FBXO17: variants seen among roughly 807,000 people sequenced by gnomAD.
FBXO17 encodes the protein F-box only protein 17.
Under a neutral mutation model 34.1 loss-of-function variants are expected in FBXO17, and 43 were observed. The ratio of observed to expected loss-of-function variants is 1.26; its 90% CI spans 0.99 to 1.62. FBXO17 has a LOEUF of 1.62. Ranked by LOEUF, FBXO17 falls within the 40% of genes most tolerant of loss-of-function variation. The pLI is 0.00. For missense variants in FBXO17, 424 were observed against 386.7 expected, an observed-to-expected ratio of 1.10 and a Z score of -0.81; for synonymous variants, 169 against 166.0, an observed-to-expected ratio of 1.02 and a Z score of -0.14.
At chr19:38,953,807 G>A (rs1366304668) in intron 1 of FBXO17, among the ~76,000 whole-genome samples, 1 of 152,150 alleles carries the variant, frequency 6.6e-6, no homozygotes, top group Non-Finnish European at 1.5e-5. Context: ...ACGGTGGCTG[G>A]AAGTGGGCGG....
intron 1 of FBXO17, among the ~76,000 whole-genome samples, chr19:38,973,499 C>G (rs953326012): frequency 2.0e-5 from 3 of 152,190 alleles, no homozygotes; most frequent in Admixed American, 1.3e-4. Flanking sequence ...GTGGGGGTGG[C>G]AGGTCTCACT....
intron 1 of FBXO17, among the ~76,000 whole-genome samples, chr19:38,962,785 C>T (rs1193838919): frequency 2.0e-5 from 3 of 151,308 alleles, no homozygotes; most frequent in Admixed American, 1.3e-4. Flanking sequence ...GGCAAGATCT[C>T]GGCTCACCGC....
At chr19:38,957,958 TAGTC>T (rs1265230373) in intron 1 of FBXO17, among the ~76,000 whole-genome samples, 1 of 151,726 alleles carries the variant, frequency 6.6e-6, no homozygotes, top group African/African-American at 2.4e-5. Context: ...ACAAAAAAAT[TAGTC>T]AGGCATAGTG....
chr19:38,949,728 T>TC, intron 2 of FBXO17: 1 of 581,320 alleles, frequency 1.7e-6, no homozygotes, highest in Non-Finnish European at 3.0e-6. Context: ...CTACTTGCTT[T>TC]CTCCCCCGGC....
At chr19:38,969,415 C>A (rs1469431486) in intron 1 of FBXO17, among the ~76,000 whole-genome samples, 2 of 147,086 alleles carry the variant, frequency 1.4e-5, no homozygotes, top group Non-Finnish European at 3.0e-5. Flanking sequence ...GCACTCCAGC[C>A]TGGGTGACAG....
intron 1 of FBXO17, among the ~76,000 whole-genome samples, chr19:38,959,261 GTCTTTCTT>G (rs944748441): frequency 1.6e-5 from 2 of 128,602 alleles, no homozygotes; most frequent in Non-Finnish European, 3.2e-5. Flanking sequence ...GCCTCTGCCT[GTCTTTCTT>G]TCTTTCTTTC....
At chr19:38,961,282 C>T (rs866148255) in intron 1 of FBXO17, among the ~76,000 whole-genome samples, 8 of 142,514 alleles carry the variant, frequency 5.6e-5, no homozygotes, top group South Asian at 2.2e-4. Context: ...GATTTTAAAT[C>T]TTTTTTTTTT....
At chr19:38,958,879 T>C (rs1157107097) in intron 1 of FBXO17, among the ~76,000 whole-genome samples, 1 of 152,106 alleles carries the variant, frequency 6.6e-6, no homozygotes, top group Non-Finnish European at 1.5e-5. Flanking sequence ...GAAGGGACAT[T>C]GCTAAGGGAT....
At chr19:38,947,797 CAA>C (rs546478088) in intron 3 of FBXO17, among the ~76,000 whole-genome samples, 135 of 151,120 alleles carry the variant, frequency 8.9e-4, no homozygotes, top group African/African-American at 3.2e-3. Context: ...CTCCTGGGCT[CAA>C]GAGATCCTCC....
At position 38,948,065 on chromosome 19, in the gene FBXO17, G is replaced by A. The variant is rs1975012615; in HGVS notation, c.461+502C>T. ...TCTGTCGCCCAGGCTGGAGTGCAGT[G>A]GTGCAATCTCGGCTCACTGCAACAT... On this transcript the variant is annotated intron_variant, in intron 3 of 5. Transcript: ENST00000292852. 2.0e-5 allele frequency among the ~76,000 whole-genome samples: 3 copies of A among 150,552 alleles called. No homozygotes were observed. In the South Asian group the frequency reaches 6.3e-4, roughly 32 times the overall value.
At chr19:38,973,471 G>A (rs752256407) in intron 1 of FBXO17, among the ~76,000 whole-genome samples, 4 of 152,146 alleles carry the variant, frequency 2.6e-5, no homozygotes, top group African/African-American at 4.8e-5. Flanking sequence ...CAAGATCCCC[G>A]TGGGGGCTCA....
chr19:38,943,747 T>A (rs2098618759), intron 5 of FBXO17, among the ~76,000 whole-genome samples: 1 of 152,144 alleles, frequency 6.6e-6, no homozygotes, highest in Non-Finnish European at 1.5e-5. Flanking sequence ...CCCATCACCG[T>A]GCCTGGCTAA....
At chr19:38,967,907 C>A (rs529397312) in intron 1 of FBXO17, among the ~76,000 whole-genome samples, 1 of 152,208 alleles carries the variant, frequency 6.6e-6, no homozygotes, top group African/African-American at 2.4e-5. Context: ...CCACTTCATA[C>A]CCACTACCCT....
intron 1 of FBXO17, among the ~76,000 whole-genome samples, chr19:38,965,513 T>C (rs1415412658): frequency 6.6e-6 from 1 of 151,856 alleles, no homozygotes; most frequent in Non-Finnish European, 1.5e-5. Flanking sequence ...TTTTTATTTT[T>C]ATTTATTTTT....
intron 1 of FBXO17, among the ~76,000 whole-genome samples, chr19:38,959,380 GCAATTGTCCTGCCTCAGCCTC>G (rs1258091268): frequency 6.6e-6 from 1 of 150,494 alleles, no homozygotes; most frequent in African/African-American, 2.4e-5. Flanking sequence ...CTGGATTCAA[GCAATTGTCCTGCCTCAGCCTC>G]CAGAGTAGCT....
At chr19:38,947,540 TTGCGCCACTGCACTCTAGA>T (rs1975002954) in intron 3 of FBXO17, 1 of 152,040 alleles carries the variant, frequency 6.6e-6, no homozygotes, top group East Asian at 1.9e-4. Flanking sequence ...TGAGCCAAGA[TTGCGCCACTGCACTCTAGA>T]CTGGGCAACA....
At chr19:38,966,172 G>T (rs1365462603) in intron 1 of FBXO17, among the ~76,000 whole-genome samples, 2 of 151,702 alleles carry the variant, frequency 1.3e-5, no homozygotes, top group African/African-American at 4.8e-5. Context: ...GTTTCACCAT[G>T]TTAGTCAGGC....
At chr19:38,969,588 CTTTTTTT>C (rs67681512) in intron 1 of FBXO17, among the ~76,000 whole-genome samples, 19 of 103,566 alleles carry the variant, frequency 1.8e-4, no homozygotes, top group Middle Eastern at 0.011. Context: ...AACCACTGGG[CTTTTTTT>C]TTTTTTTTTT....
At chr19:38,949,302 G>C (rs771957113) in intron 2 of FBXO17, among the ~76,000 whole-genome samples, 15 of 152,148 alleles carry the variant, frequency 9.9e-5, no homozygotes, top group Non-Finnish European at 1.9e-4. Flanking sequence ...GTTTCACCAT[G>C]TTGGTCAGGC....
Sources: gnomAD v4.1 joint callset for allele counts (sites outside exome capture counted in the v4.1 genomes callset) on GRCh38, gnomAD v4.1.1 for gene constraint, MANE v1.5 for transcripts, NCBI Gene and HGNC (gene_info 2026-07-23, HGNC 2026-07-21) for gene names.